The following NRG1 variants were observed in gnomAD, a reference collection of about 807,000 sequenced individuals.
NRG1 encodes the protein neuregulin 1.
A neutral mutation model predicts 63.8 loss-of-function variants in NRG1; 18 were observed. That is an observed-to-expected ratio of 0.28 (90% CI 0.19 to 0.42). NRG1 has a LOEUF of 0.42. NRG1 is among the 10% of genes least tolerant of loss of function. The pLI is 1.00. For missense variants in NRG1, 762 were observed against 814.7 expected (o/e 0.94, Z 0.79); for synonymous variants, 302 against 301.3 (o/e 1.00, Z -0.02).
At chr8:32,238,191 G>A (rs561570280) in intron 1 of NRG1, among the ~76,000 whole-genome samples, 25 of 152,178 alleles carry the variant, frequency 1.6e-4, no homozygotes, top group African/African-American at 5.5e-4. Flanking sequence ...GGCCAGGCGT[G>A]GTGGCTCATG....
intron 1 of NRG1, among the ~76,000 whole-genome samples, chr8:32,143,656 C>G (rs753612948): frequency 6.6e-6 from 1 of 152,240 alleles, no homozygotes. Flanking sequence ...ATGTGAGAAG[C>G]AGTGAGGGCA....
chr8:31,930,275 A>G (rs929532480), intron 1 of NRG1, among the ~76,000 whole-genome samples: 22 of 152,202 alleles, frequency 1.4e-4, no homozygotes, highest in Admixed American at 1.1e-3. Context: ...AAAATGTATT[A>G]TCTATTGAAA....
chr8:32,527,624 C>G (rs1269146145), intron 1 of NRG1, among the ~76,000 whole-genome samples: 1 of 152,122 alleles, frequency 6.6e-6, no homozygotes, highest in Non-Finnish European at 1.5e-5. Flanking sequence ...CAAAACTGCA[C>G]TTGTACCTTC....
At chr8:32,005,665 A>G (rs1468956797) in intron 1 of NRG1, among the ~76,000 whole-genome samples, 3 of 152,026 alleles carry the variant, frequency 2.0e-5, no homozygotes, top group Admixed American at 6.6e-5. Flanking sequence ...CTTGACTGAC[A>G]GTAAAAGTTT....
intron 1 of NRG1, among the ~76,000 whole-genome samples, chr8:31,704,919 GATAC>G (rs1427446844): frequency 6.6e-6 from 1 of 151,278 alleles, no homozygotes; most frequent in Non-Finnish European, 1.5e-5. Flanking sequence ...ACCAAAAGTA[GATAC>G]ATACATATTT....
chr8:31,881,682 G>A (rs1830357154), intron 1 of NRG1, among the ~76,000 whole-genome samples: 1 of 152,160 alleles, frequency 6.6e-6, no homozygotes, highest in Non-Finnish European at 1.5e-5. Flanking sequence ...AAGAAAACTA[G>A]AACTACTTTA....
At chr8:31,835,325 C>T (rs1481886296) in intron 1 of NRG1, among the ~76,000 whole-genome samples, 4 of 152,214 alleles carry the variant, frequency 2.6e-5, no homozygotes, top group African/African-American at 9.6e-5. Context: ...AAAAATAGAA[C>T]ATGGCCTCTA....
intron 3 of NRG1, among the ~76,000 whole-genome samples, chr8:32,607,810 A>T (rs892391900): frequency 4.6e-5 from 7 of 152,300 alleles, no homozygotes; most frequent in African/African-American, 1.7e-4. Context: ...TTCATGGAAT[A>T]TTTTAAGTAA....
At chr8:31,659,527 G>A (rs1805763751) in intron 1 of NRG1, among the ~76,000 whole-genome samples, 4 of 152,172 alleles carry the variant, frequency 2.6e-5, no homozygotes, top group South Asian at 2.1e-4. Context: ...TGCTGAACCC[G>A]ACCCTCAGGA....
At chr8:32,705,629 G>A (rs537945625) in intron 5 of NRG1, among the ~76,000 whole-genome samples, 6 of 152,182 alleles carry the variant, frequency 3.9e-5, no homozygotes, top group African/African-American at 7.2e-5. Flanking sequence ...TGATGAATTC[G>A]AATCAGGATA....
intron 1 of NRG1, among the ~76,000 whole-genome samples, chr8:31,808,029 T>C (rs1265212251): frequency 6.6e-6 from 1 of 151,984 alleles, no homozygotes. Flanking sequence ...TTTCACAGTC[T>C]TGGCTATTGT....
chr8:31,964,781 C>A (rs750108021), intron 1 of NRG1, among the ~76,000 whole-genome samples: 4 of 152,160 alleles, frequency 2.6e-5, no homozygotes, highest in Non-Finnish European at 5.9e-5. Flanking sequence ...GCTACGAGTT[C>A]GTTTTCTTTA....
At chr8:31,796,303 G>T (rs1036744800) in intron 1 of NRG1, among the ~76,000 whole-genome samples, 5 of 150,836 alleles carry the variant, frequency 3.3e-5, no homozygotes, top group Non-Finnish European at 7.4e-5. Context: ...CTGTATTCAG[G>T]TAGGATATCT....
intron 1 of NRG1, among the ~76,000 whole-genome samples, chr8:32,024,724 AAAG>A (rs1816976583): frequency 6.6e-6 from 1 of 152,240 alleles, no homozygotes; most frequent in Non-Finnish European, 1.5e-5. Flanking sequence ...GCCAGTCACA[AAAG>A]AATAAGAAGT....
chr8:31,657,753 G>A (rs1227961335), intron 1 of NRG1, among the ~76,000 whole-genome samples: 1 of 152,154 alleles, frequency 6.6e-6, no homozygotes, highest in Non-Finnish European at 1.5e-5. Flanking sequence ...ATCTTGCAAG[G>A]TATATCATTT....
chr8:32,137,067 T>A (rs569858907), intron 1 of NRG1, among the ~76,000 whole-genome samples: 40 of 152,178 alleles, frequency 2.6e-4, no homozygotes, highest in South Asian at 6.2e-4. Flanking sequence ...GGGTTTTTTT[T>A]AAAACATGAT....
chr8:32,292,520 T>C (rs1046003642), intron 1 of NRG1, among the ~76,000 whole-genome samples: 9 of 152,216 alleles, frequency 5.9e-5, no homozygotes, highest in African/African-American at 9.6e-5. Flanking sequence ...GCAATTCTCC[T>C]CCTCTTCTTC....
At chr8:32,016,084 T>G (rs1815488732) in intron 1 of NRG1, among the ~76,000 whole-genome samples, 1 of 152,156 alleles carries the variant, frequency 6.6e-6, no homozygotes, top group Non-Finnish European at 1.5e-5. Flanking sequence ...ATCCAAAATA[T>G]GAAACATTCA....
At chr8:32,079,778 C>T (rs1189996443) in intron 1 of NRG1, among the ~76,000 whole-genome samples, 1 of 151,918 alleles carries the variant, frequency 6.6e-6, no homozygotes, top group African/African-American at 2.4e-5. Flanking sequence ...TCTTCCCACA[C>T]AAGACAAGGT....
Sources: allele counts gnomAD v4.1 joint callset (sites outside exome capture counted in the v4.1 genomes callset), GRCh38; gene constraint gnomAD v4.1.1; transcripts MANE v1.5; gene names NCBI Gene and HGNC (gene_info 2026-07-23, HGNC 2026-07-21).